Variants in VPS13B observed in about 807,000 individuals in gnomAD.
The protein encoded by VPS13B is intermembrane lipid transfer protein VPS13B.
In VPS13B, 285 loss-of-function variants were observed where a neutral mutation model predicts 426.4. The ratio of observed to expected loss-of-function variants is 0.67; its 90% CI spans 0.61 to 0.74. VPS13B has a LOEUF of 0.74. Ranked by LOEUF, VPS13B falls within the 30% of genes least tolerant of loss-of-function variation. The pLI is 0.00. For missense variants in VPS13B, 4,537 were observed against 4,782.6 expected (o/e 0.95, Z 1.51); for synonymous variants, 1,676 against 1,676.4 (o/e 1.00, Z 0.01).
chr8:99,176,540 T>C (rs762594114), intron 16 of VPS13B, among the ~76,000 whole-genome samples: 6 of 152,182 alleles, frequency 3.9e-5, no homozygotes, highest in Non-Finnish European at 8.8e-5. Flanking sequence ...GTTGAGTTGC[T>C]TGATATGTAC....
intron 3 of VPS13B, among the ~76,000 whole-genome samples, chr8:99,082,750 T>C (rs570753345): frequency 7.5e-4 from 114 of 152,324 alleles, no homozygotes; most frequent in African/African-American, 2.6e-3. Flanking sequence ...TTTGTCAGGT[T>C]TGTCAAAGAT....
chr8:99,463,193 G>A (rs1005973447), intron 23 of VPS13B, among the ~76,000 whole-genome samples: 25 of 152,170 alleles, frequency 1.6e-4, no homozygotes, highest in African/African-American at 6.0e-4. Context: ...ATTCTTTTCA[G>A]TCCCTTCTTC....
At chr8:99,741,508 C>G (rs1394714726) in intron 39 of VPS13B, among the ~76,000 whole-genome samples, 1 of 152,188 alleles carries the variant, frequency 6.6e-6, no homozygotes, top group East Asian at 1.9e-4. Flanking sequence ...CACCCCAAAT[C>G]AACAGAATAT....
chr8:99,115,811 T>G lies in VPS13B; in HGVS notation c.874T>G (p.Phe292Val), dbSNP rs779095081. The change falls in exon 7 of 62, where the codon TTT becomes GTT. Residue 292 changes from phenylalanine (F) to valine (V), a missense_variant. Phe to Val is a conservative substitution (Grantham distance 50, BLOSUM62 -1). This residue lies in a region of VPS13B where 4,311 missense variants were observed against 4,474.3 expected (regional missense o/e 0.96). Transcript: ENST00000357162. ...TCTTTACTATGGAGAAATAGGCAAT[T>G]TTAAAGAAGGCGAAATAGAGGACCT... ...IALYYGEIGNFKEGEIEDLTC... is the reference protein window; with the variant it reads ...IALYYGEIGNVKEGEIEDLTC... 2.1e-5 allele frequency: 34 copies of G among 1,613,618 alleles called. 1 individual carries two copies. In the South Asian group the frequency reaches 3.4e-4, roughly 16 times the overall value.
chr8:99,390,523 T>C (rs1445312601), intron 20 of VPS13B, among the ~76,000 whole-genome samples: 2 of 152,220 alleles, frequency 1.3e-5, no homozygotes, highest in Non-Finnish European at 2.9e-5. Flanking sequence ...CATGTTTTCA[T>C]TGAAATACTT....
chr8:99,597,862 G>A (rs1827096135), intron 33 of VPS13B, among the ~76,000 whole-genome samples: 1 of 151,950 alleles, frequency 6.6e-6, no homozygotes, highest in Admixed American at 6.6e-5. Context: ...AGTCTGAGAT[G>A]ATAAAACCCA....
At chr8:99,428,349 C>T (rs2133400756) in intron 21 of VPS13B, among the ~76,000 whole-genome samples, 2 of 152,200 alleles carry the variant, frequency 1.3e-5, no homozygotes, top group South Asian at 4.2e-4. Flanking sequence ...AGTGAACAGG[C>T]AACCTATAGA....
At chr8:99,600,734 C>T (rs949500180) in intron 33 of VPS13B, among the ~76,000 whole-genome samples, 1 of 152,112 alleles carries the variant, frequency 6.6e-6, no homozygotes, top group African/African-American at 2.4e-5. Context: ...TGAAGCAGAG[C>T]GAGTGCTGGA....
intron 35 of VPS13B, among the ~76,000 whole-genome samples, chr8:99,673,053 A>G (rs547658508): frequency 6.6e-6 from 1 of 152,170 alleles, no homozygotes; most frequent in South Asian, 2.1e-4. Flanking sequence ...GAGGGTTTTT[A>G]CATCTATGTT....
At chr8:99,862,599 GTTTA>G (rs943822942) in intron 58 of VPS13B, among the ~76,000 whole-genome samples, 2 of 152,246 alleles carry the variant, frequency 1.3e-5, no homozygotes, top group African/African-American at 4.8e-5. Flanking sequence ...GGATTTTTTT[GTTTA>G]TTTGTTTGCA....
At chr8:99,763,831 T>C (rs78724924) in intron 39 of VPS13B, among the ~76,000 whole-genome samples, 6,884 of 152,060 alleles carry the variant, frequency 0.045, 165 homozygotes, top group African/African-American at 0.059. Flanking sequence ...CTAACCAGAA[T>C]ATGTGCTACT....
At chr8:99,263,192 A>G (rs1414464376) in intron 17 of VPS13B, among the ~76,000 whole-genome samples, 3 of 152,124 alleles carry the variant, frequency 2.0e-5, no homozygotes, top group African/African-American at 4.8e-5. Flanking sequence ...ACTTATTCTT[A>G]GATATGTACC....
At chr8:99,647,422 A>C (rs1004789529) in intron 34 of VPS13B, among the ~76,000 whole-genome samples, 8 of 151,912 alleles carry the variant, frequency 5.3e-5, no homozygotes, top group African/African-American at 1.9e-4. Flanking sequence ...TTAGCTGGGC[A>C]TGATGGTGGG....
At chr8:99,112,274 G>C (rs1847406276) in intron 6 of VPS13B, among the ~76,000 whole-genome samples, 1 of 152,180 alleles carries the variant, frequency 6.6e-6, no homozygotes, top group Non-Finnish European at 1.5e-5. Context: ...GCCTCTGACT[G>C]TCAAAGTTCT....
intron 21 of VPS13B, among the ~76,000 whole-genome samples, chr8:99,416,240 C>A (rs1374761483): frequency 6.6e-6 from 1 of 152,142 alleles, no homozygotes; most frequent in Admixed American, 6.5e-5. Flanking sequence ...CTATTCAAGC[C>A]TCAGTAAGGG....
At chr8:99,121,583 A>G (rs1420517632) in intron 8 of VPS13B, 138 bp downstream of exon 8, 1 of 1,464,350 alleles carries the variant, frequency 6.8e-7, no homozygotes, top group Non-Finnish European at 9.0e-7. Context: ...CTTACTTCAT[A>G]AAATTACATG....
chr8:99,351,418 A>AAG (rs141684691), intron 19 of VPS13B, among the ~76,000 whole-genome samples: 91 of 147,550 alleles, frequency 6.2e-4, no homozygotes, highest in Admixed American at 1.1e-3. Context: ...CTCCTTCCTC[A>AAG]AGAGAGAGAG....
At chr8:99,745,553 G>T (rs1810038114) in intron 39 of VPS13B, among the ~76,000 whole-genome samples, 1 of 151,966 alleles carries the variant, frequency 6.6e-6, no homozygotes, top group Admixed American at 6.6e-5. Flanking sequence ...TTTATCATAG[G>T]TATGCATGTA....
At chr8:99,029,650 CCTGCAATCG>C (rs1301016954) in intron 2 of VPS13B, among the ~76,000 whole-genome samples, 19 of 151,390 alleles carry the variant, frequency 1.3e-4, no homozygotes, top group Admixed American at 2.0e-4. Flanking sequence ...GCGGCGCGCG[CCTGCAATCG>C]CAGGCACTCG....
Sources: allele counts gnomAD v4.1 joint callset (sites outside exome capture counted in the v4.1 genomes callset), GRCh38; gene constraint gnomAD v4.1.1; regional missense constraint gnomAD v4.1.1; transcripts MANE v1.5; gene names NCBI Gene and HGNC (gene_info 2026-07-23, HGNC 2026-07-21).